Variants in SCAI observed in about 807,000 individuals in gnomAD.
SCAI encodes suppressor of cancer cell invasion.
SCAI carries 24 observed loss-of-function variants against 92.2 expected under a neutral mutation model. The ratio of observed to expected loss-of-function variants is 0.26; its 90% CI spans 0.19 to 0.37. The LOEUF (loss-of-function observed/expected upper bound fraction) is 0.37. Ranked by LOEUF, SCAI falls within the 10% of genes least tolerant of loss-of-function variation. The probability of loss-of-function intolerance (pLI) is 1.00; values close to 1 mark genes in which losing one functional copy is unlikely to be tolerated. For missense variants in SCAI, 450 were observed against 736.2 expected (o/e 0.61, Z 4.50); for synonymous variants, 261 against 258.6 (o/e 1.01, Z -0.09).
At chr9:125,143,266 AC>A (rs1210747309) in intron 1 of SCAI, 118 bp downstream of exon 1, 8 of 210,278 alleles carry the variant, frequency 3.8e-5, no homozygotes, top group East Asian at 1.1e-4. Flanking sequence ...CCCAGCCTGC[AC>A]CCCCCGCCCC....
intron 2 of SCAI, among the ~76,000 whole-genome samples, chr9:125,123,784 G>C (rs1026829148): frequency 2.6e-5 from 4 of 152,112 alleles, no homozygotes; most frequent in Non-Finnish European, 5.9e-5. Flanking sequence ...AAGAAACAAA[G>C]AAACAAACAA....
chr9:124,981,418 A>C (rs1479062910), intron 14 of SCAI, among the ~76,000 whole-genome samples: 1 of 152,200 alleles, frequency 6.6e-6, no homozygotes, highest in Admixed American at 6.5e-5. Context: ...AGTTGGGACA[A>C]AAGTAATAGT....
intron 17 of SCAI, among the ~76,000 whole-genome samples, chr9:124,963,757 C>CAAAAAAAAAAAAAAAAAAA (rs36017738): frequency 1.9e-5 from 1 of 52,286 alleles, no homozygotes; most frequent in Non-Finnish European, 3.3e-5. Context: ...GAATCTGTCT[C>CAAAAAAAAAAAAAAAAAAA]AAAAAAAAAA....
intron 2 of SCAI, among the ~76,000 whole-genome samples, chr9:125,126,567 G>GTGTGTGTGT (rs1835283082): frequency 1.6e-5 from 2 of 128,500 alleles, no homozygotes; most frequent in Admixed American, 7.8e-5. Flanking sequence ...GGTGGGTGTG[G>GTGTGTGTGT]GTGTGTGTGT....
Position 125,032,191 on chromosome 9 carries a change from A to AT in SCAI, c.231-2453dup, listed in dbSNP as rs1254303558. On this transcript the variant is annotated intron_variant, in intron 3 of 17. Coordinates refer to ENST00000336505, the MANE Select transcript of SCAI (RefSeq NM_001144877.3). ...AATGAATATATATATATATATATATATATATTTTTTTTTTTTTTTGAGATG... is the reference window on the plus strand; with the variant it reads ...AATGAATATATATATATATATATATATTATATTTTTTTTTTTTTTTGAGATG... 3.5e-3 allele frequency among the ~76,000 whole-genome samples: 286 copies of AT among 80,610 alleles called. 1 individual carries two copies. The highest frequency in any genetic ancestry group is 0.01 in the African/African-American group (184 of 18,344). The allele number at this position is 80,610 out of a possible 152,430, so 52.9% of individuals were successfully genotyped here.
chr9:125,064,369 T>C (rs545292772), intron 2 of SCAI, among the ~76,000 whole-genome samples: 54 of 152,252 alleles, frequency 3.5e-4, no homozygotes, highest in Admixed American at 1.5e-3. Flanking sequence ...GTGCCGTGGT[T>C]CAAATAAATA....
intron 2 of SCAI, among the ~76,000 whole-genome samples, chr9:125,072,222 C>T (rs1833992430): frequency 6.6e-6 from 1 of 152,232 alleles, no homozygotes; most frequent in South Asian, 2.1e-4. Context: ...CGGGGTTTCA[C>T]CATGTTGGCC....
chr9:125,079,594 A>G (rs561369130), intron 2 of SCAI, among the ~76,000 whole-genome samples: 5 of 152,208 alleles, frequency 3.3e-5, no homozygotes, highest in African/African-American at 1.2e-4. Context: ...TTTTTTTTTA[A>G]CCTACCTTAA....
chr9:124,963,009 G>A (rs1289920620), intron 17 of SCAI, among the ~76,000 whole-genome samples: 2 of 151,728 alleles, frequency 1.3e-5, no homozygotes, highest in Admixed American at 6.6e-5. Context: ...ATGTTGGCCA[G>A]GCTGGTCTTG....
chr9:125,026,716 C>T (rs1832972524), intron 6 of SCAI, 96 bp downstream of exon 6: 1 of 656,764 alleles, frequency 1.5e-6, no homozygotes, highest in Admixed American at 2.6e-5. Context: ...TAAACGAGTA[C>T]ACGTTATAAA....
rs1206464363 is a variant in SCAI, at chr9:125,018,860, C to T, written c.800G>A (p.Gly267Asp). ...CAGAGACAACTGTCCCACAATCATGCCCTGTTCCAGCAATGGGGCTCCTGT... is the reference window on the plus strand; with the variant it reads ...CAGAGACAACTGTCCCACAATCATGTCCTGTTCCAGCAATGGGGCTCCTGT... ...AETGAPLLEQ[G>D]MIVGQLSLAD... The change falls in exon 9 of 18, where the codon GGC becomes GAC. Residue 267 changes from glycine (G) to aspartate (D), a missense_variant. Around this residue, in one of 3 missense-constraint regions of SCAI, gnomAD observed 360 missense variants for 601.8 expected, o/e 0.60. Transcript: ENST00000336505. 1.2e-6 allele frequency: 2 copies of T among 1,613,988 alleles called. No homozygotes were observed. Among genetic ancestry groups the T allele is most frequent in the Admixed American group, 1.7e-5 (1 of 60,000 alleles).
In SCAI at chr9:124,952,878, G is replaced by T. The variant is rs775189186; in HGVS notation, c.1750C>A (p.His584Asn). 8 of 1,612,152 alleles carry T rather than the reference G, an allele frequency of 5.0e-6. No homozygotes were observed. The highest frequency in any genetic ancestry group is 6.8e-6 in the Non-Finnish European group (8 of 1,178,354). The change falls in exon 18 of 18, where the codon CAC becomes AAC. Residue 584 changes from histidine (H) to asparagine (N), a missense_variant. Coordinates refer to ENST00000336505, the MANE Select transcript of SCAI (RefSeq NM_001144877.3). Reference sequence around the variant, plus strand: ...AGAATGGATGCTAATTCCAAAATGTGCTTCTGGAGATGAGGATTCTCCACT... The same window carrying T: ...AGAATGGATGCTAATTCCAAAATGTTCTTCTGGAGATGAGGATTCTCCACT... Reference protein sequence around the residue: ...ETVENPHLQKHILELASILDV... With the variant: ...ETVENPHLQKNILELASILDV...
intron 2 of SCAI, among the ~76,000 whole-genome samples, chr9:125,097,703 C>G (rs1008789935): frequency 6.6e-6 from 1 of 151,638 alleles, no homozygotes; most frequent in Non-Finnish European, 1.5e-5. Context: ...CATTACAAGT[C>G]TGGTATTTCA....
chr9:125,139,690 G>A (rs771168094), intron 2 of SCAI, among the ~76,000 whole-genome samples: 1 of 152,132 alleles, frequency 6.6e-6, no homozygotes, highest in Non-Finnish European at 1.5e-5. Flanking sequence ...TCTGAATGAT[G>A]TTCAATAAGC....
chr9:125,121,883 GT>G (rs750886660), intron 2 of SCAI, among the ~76,000 whole-genome samples: 14 of 152,138 alleles, frequency 9.2e-5, no homozygotes, highest in Non-Finnish European at 1.5e-4. Flanking sequence ...AAAATAAAGA[GT>G]AAAAATGCTA....
chr9:125,085,544 T>C (rs1375712832), intron 2 of SCAI, among the ~76,000 whole-genome samples: 7 of 151,560 alleles, frequency 4.6e-5, no homozygotes, highest in Non-Finnish European at 1.5e-5. Flanking sequence ...AAATATTGAC[T>C]GGGTGCAGTG....
chr9:125,063,079 A>C, intron 2 of SCAI, among the ~76,000 whole-genome samples: 1 of 148,128 alleles, frequency 6.8e-6, no homozygotes, highest in East Asian at 2.0e-4. Context: ...CAAATAATAG[A>C]ATGGTTTTAA....
Position 125,018,813 on chromosome 9 carries a change from T to G in SCAI, c.847A>C (p.Asn283His), listed in dbSNP as rs1327541072. The G allele has an allele frequency of 1.2e-6, 2 of 1,608,030 alleles. No individual in the cohort carries two copies. The highest frequency in any genetic ancestry group is 2.7e-5 in the African/African-American group (2 of 74,620). Residue 283 changes from asparagine (N) to histidine (H), a missense_variant, in exon 9 of 18, where the codon AAT becomes CAT. By Grantham distance (68) the Asn-to-His change is moderately conservative. This residue lies in a region of SCAI where 360 missense variants were observed against 601.8 expected (regional missense o/e 0.60). Coordinates refer to ENST00000336505, the MANE Select transcript of SCAI (RefSeq NM_001144877.3). ...LSLADALIIG[N>H]CNNQVKFSEL... is the part of the protein sequence containing the mutation. Reference sequence around the variant, plus strand: ...CAATTCTTTACCTGATTATTACAATTACCAATAATGAGTGCGTCAGCCAGA... The same window carrying G: ...CAATTCTTTACCTGATTATTACAATGACCAATAATGAGTGCGTCAGCCAGA...
intron 17 of SCAI, among the ~76,000 whole-genome samples, chr9:124,956,634 T>A (rs1449232270): frequency 6.6e-6 from 1 of 152,222 alleles, no homozygotes; most frequent in African/African-American, 2.4e-5. Context: ...ATACAAACTC[T>A]TAGTAAATTA....
Sources: allele counts gnomAD v4.1 joint callset (sites outside exome capture counted in the v4.1 genomes callset), GRCh38; gene constraint gnomAD v4.1.1; regional missense constraint gnomAD v4.1.1; transcripts MANE v1.5; gene names NCBI Gene and HGNC (gene_info 2026-07-23, HGNC 2026-07-21).